Variants in HDAC9 observed in about 807,000 individuals in gnomAD.
The protein encoded by HDAC9 is histone deacetylase 9, also known as MEF-2 interacting transcription repressor (MITR) protein.
Under a neutral mutation model 139.4 loss-of-function variants are expected in HDAC9, and 41 were observed. The ratio of observed to expected loss-of-function variants is 0.29; its 90% confidence interval spans 0.23 to 0.38. The LOEUF (loss-of-function observed/expected upper bound fraction) is 0.38, where lower values mean the gene tolerates loss of function less well. Among genes scored for constraint, HDAC9 ranks in the 10% least tolerant of loss-of-function variants. HDAC9 has a pLI of 1.00. For missense variants in HDAC9, 1,147 were observed against 1,297.0 expected, an observed-to-expected ratio of 0.88 and a Z score of 1.78; for synonymous variants, 517 against 476.2, an observed-to-expected ratio of 1.09 and a Z score of -1.12.
chr7:18,193,602 C>T (rs886733971), intron 2 of HDAC9, among the ~76,000 whole-genome samples: 5 of 152,158 alleles, frequency 3.3e-5, no homozygotes, highest in African/African-American at 9.7e-5. Context: ...TGAACTCCAC[C>T]TTTCACTCAT....
chr7:18,419,973 C>T (rs551583679), intron 1 of HDAC9, among the ~76,000 whole-genome samples: 1 of 152,182 alleles, frequency 6.6e-6, no homozygotes, highest in South Asian at 2.1e-4. Flanking sequence ...CTGCAGATTA[C>T]AGACTCAGGT....
intron 4 of HDAC9, among the ~76,000 whole-genome samples, chr7:18,591,006 G>C (rs775740974): frequency 6.6e-6 from 1 of 152,270 alleles, no homozygotes; most frequent in South Asian, 2.1e-4. Context: ...TCGTAGCAAA[G>C]TTTAAAATTT....
At chr7:18,323,112 C>T (rs1209343117) in intron 1 of HDAC9, among the ~76,000 whole-genome samples, 1 of 152,170 alleles carries the variant, frequency 6.6e-6, no homozygotes, top group Non-Finnish European at 1.5e-5. Context: ...AAGGCCTCCT[C>T]ATGTTAGAAA....
intron 1 of HDAC9, among the ~76,000 whole-genome samples, chr7:18,358,233 G>A (rs982781288): frequency 6.6e-6 from 1 of 152,166 alleles, no homozygotes; most frequent in Non-Finnish European, 1.5e-5. Flanking sequence ...TTAGAAGGTG[G>A]TTGTGATCTA....
chr7:18,435,768 G>A (rs1353449011), intron 1 of HDAC9, among the ~76,000 whole-genome samples: 2 of 151,508 alleles, frequency 1.3e-5, no homozygotes, highest in Non-Finnish European at 2.9e-5. Flanking sequence ...AACAATTGGA[G>A]AAAGATTAAA....
chr7:18,267,825 C>A (rs7459237), intron 2 of HDAC9, among the ~76,000 whole-genome samples: 58,027 of 151,820 alleles, frequency 0.38, 12,561 homozygotes, highest in Admixed American at 0.51. Flanking sequence ...AGTGGGATTG[C>A]TAGATCTCGA....
chr7:18,489,516 A>G (rs958341559), intron 1 of HDAC9, among the ~76,000 whole-genome samples: 2 of 152,008 alleles, frequency 1.3e-5, no homozygotes, highest in Non-Finnish European at 2.9e-5. Flanking sequence ...CTTATAAATT[A>G]AAATTTAGGG....
intron 1 of HDAC9, among the ~76,000 whole-genome samples, chr7:18,306,544 G>A (rs1023706072): frequency 6.6e-6 from 1 of 152,122 alleles, no homozygotes. Flanking sequence ...GTAATATAGG[G>A]GTAGTTTGGA....
chr7:18,883,445 A>G (rs891173157), intron 22 of HDAC9, among the ~76,000 whole-genome samples: 1 of 152,130 alleles, frequency 6.6e-6, no homozygotes, highest in African/African-American at 2.4e-5. Flanking sequence ...AAACTATATG[A>G]TCACTTCAAT....
At chr7:18,699,081 T>C (rs1783265497) in intron 12 of HDAC9, among the ~76,000 whole-genome samples, 1 of 152,200 alleles carries the variant, frequency 6.6e-6, no homozygotes, top group Non-Finnish European at 1.5e-5. Context: ...ACAGCAGTGA[T>C]TCTGGGGTCT....
chr7:18,386,362 A>G (rs746943918), intron 1 of HDAC9, among the ~76,000 whole-genome samples: 57 of 152,084 alleles, frequency 3.7e-4, no homozygotes, highest in African/African-American at 1.3e-3. Context: ...TGTATTTTCT[A>G]TCAACTCCAG....
chr7:18,756,343 T>C (rs1445467983), intron 14 of HDAC9, among the ~76,000 whole-genome samples: 2 of 152,202 alleles, frequency 1.3e-5, no homozygotes, highest in Non-Finnish European at 2.9e-5. Context: ...TCAAAAATTA[T>C]TAAAAGCGTT....
At chr7:18,913,490 T>C (rs1174689045) in intron 22 of HDAC9, among the ~76,000 whole-genome samples, 1 of 152,082 alleles carries the variant, frequency 6.6e-6, no homozygotes, top group African/African-American at 2.4e-5. Context: ...CAATACACAA[T>C]TTGTTCCACC....
chr7:18,562,298 A>G (rs796696599), intron 2 of HDAC9, among the ~76,000 whole-genome samples: 4 of 152,264 alleles, frequency 2.6e-5, no homozygotes, highest in Admixed American at 1.3e-4. Flanking sequence ...TTTCAGCAAC[A>G]ATTTTAATTT....
intron 12 of HDAC9, among the ~76,000 whole-genome samples, chr7:18,695,912 C>A (rs536414471): frequency 6.6e-6 from 1 of 152,022 alleles, no homozygotes; most frequent in Non-Finnish European, 1.5e-5. Flanking sequence ...TATTTTCTGG[C>A]TAGTATTTTG....
At chr7:18,406,843 A>C (rs1251358828) in intron 1 of HDAC9, among the ~76,000 whole-genome samples, 1 of 152,048 alleles carries the variant, frequency 6.6e-6, no homozygotes, top group Non-Finnish European at 1.5e-5. Flanking sequence ...CTAGTTATTA[A>C]AAATAATATA....
chr7:18,596,912 C>T (rs1562511214), intron 6 of HDAC9, among the ~76,000 whole-genome samples: 1 of 152,080 alleles, frequency 6.6e-6, no homozygotes, highest in South Asian at 2.1e-4. Flanking sequence ...TAGAAAAGTC[C>T]TAATGATCTT....
At chr7:18,883,924 A>G (rs1799927830) in intron 22 of HDAC9, among the ~76,000 whole-genome samples, 1 of 152,190 alleles carries the variant, frequency 6.6e-6, no homozygotes, top group Non-Finnish European at 1.5e-5. Flanking sequence ...TGATGAAGAA[A>G]ATAATCCCAT....
At chr7:18,097,600 C>T (rs987878512) in intron 1 of HDAC9, among the ~76,000 whole-genome samples, 4 of 151,864 alleles carry the variant, frequency 2.6e-5, no homozygotes, top group Non-Finnish European at 5.9e-5. Flanking sequence ...CAAGGTCTTG[C>T]TCTGTCACAC....
Sources: gnomAD v4.1 joint callset for allele counts (sites outside exome capture counted in the v4.1 genomes callset) on GRCh38, gnomAD v4.1.1 for gene constraint, MANE v1.5 for transcripts, NCBI Gene and HGNC (gene_info 2026-07-23, HGNC 2026-07-21) for gene names.